The following TMEM132D variants were observed in gnomAD, a reference collection of about 807,000 sequenced individuals.
The protein encoded by TMEM132D is mature OL transmembrane protein.
A neutral mutation model predicts 62.3 loss-of-function variants in TMEM132D; 21 were observed. The observed-to-expected ratio is 0.34, with a 90% CI of 0.24 to 0.49. TMEM132D has a LOEUF of 0.49. Ranked by LOEUF, TMEM132D falls within the 20% of genes least tolerant of loss-of-function variation. The pLI, the probability that TMEM132D is intolerant of heterozygous loss-of-function variation, is 0.99. For synonymous variants in TMEM132D, 621 were observed against 575.6 expected, an observed-to-expected ratio of 1.08 and a Z score of -1.13; for missense variants, 1,346 against 1,402.8, an observed-to-expected ratio of 0.96 and a Z score of 0.65.
At chr12:129,834,889 C>A (rs554966435) in intron 1 of TMEM132D, among the ~76,000 whole-genome samples, 1 of 152,218 alleles carries the variant, frequency 6.6e-6, no homozygotes, top group Non-Finnish European at 1.5e-5. Context: ...GGTATCTGAA[C>A]AAGAACTGAT....
At chr12:129,159,969 T>C (rs1406866067) in intron 5 of TMEM132D, among the ~76,000 whole-genome samples, 1 of 152,042 alleles carries the variant, frequency 6.6e-6, no homozygotes, top group African/African-American at 2.4e-5. Context: ...AGAGCTGAGA[T>C]GCTGCCTGAG....
intron 3 of TMEM132D, among the ~76,000 whole-genome samples, chr12:129,364,202 G>A (rs1870335322): frequency 6.6e-6 from 1 of 152,184 alleles, no homozygotes; most frequent in Non-Finnish European, 1.5e-5. Flanking sequence ...TATGGTATTA[G>A]TTGTGTTATA....
chr12:129,356,637 G>A (rs1245090826), intron 3 of TMEM132D, among the ~76,000 whole-genome samples: 1 of 144,970 alleles, frequency 6.9e-6, no homozygotes, highest in Non-Finnish European at 1.5e-5. Context: ...GGACAACATG[G>A]TGAAACCCTG....
intron 5 of TMEM132D, among the ~76,000 whole-genome samples, chr12:129,163,034 C>T (rs929705863): frequency 1.1e-4 from 16 of 152,146 alleles, no homozygotes; most frequent in African/African-American, 3.4e-4. Flanking sequence ...AGGGAACCTC[C>T]GACACCACGT....
chr12:129,843,755 T>C (rs1355746972), intron 1 of TMEM132D, among the ~76,000 whole-genome samples: 1 of 152,042 alleles, frequency 6.6e-6, no homozygotes, highest in Non-Finnish European at 1.5e-5. Context: ...TGAAAGACAC[T>C]TTCACTACCA....
At chr12:129,502,818 T>G (rs1875194566) in intron 3 of TMEM132D, among the ~76,000 whole-genome samples, 1 of 152,204 alleles carries the variant, frequency 6.6e-6, no homozygotes, top group African/African-American at 2.4e-5. Flanking sequence ...TAGCTAGATT[T>G]GGATCATGCC....
At chr12:129,077,223 A>G (rs1269309014) in intron 8 of TMEM132D, among the ~76,000 whole-genome samples, 1 of 152,166 alleles carries the variant, frequency 6.6e-6, no homozygotes, top group Non-Finnish European at 1.5e-5. Flanking sequence ...TGGTGCATGA[A>G]GGCAGGGAAG....
chr12:129,292,299 G>C (rs10773630), intron 4 of TMEM132D, among the ~76,000 whole-genome samples: 45,741 of 152,068 alleles, frequency 0.3, 8,087 homozygotes, highest in Middle Eastern at 0.41. Context: ...TCCTAATGTG[G>C]TCAGCAGAGA....
chr12:129,700,760 A>C (rs1881368090), intron 1 of TMEM132D, 62 bp from the exon 2 acceptor site: 2 of 1,514,902 alleles, frequency 1.3e-6, no homozygotes, highest in Non-Finnish European at 1.8e-6. Flanking sequence ...CCAGCATTTC[A>C]GACATCTGCG....
intron 2 of TMEM132D, among the ~76,000 whole-genome samples, chr12:129,598,118 G>C (rs1023614558): frequency 6.6e-6 from 1 of 152,178 alleles, no homozygotes; most frequent in African/African-American, 2.4e-5. Flanking sequence ...CATTTGGAAG[G>C]TGTAGAATTC....
In TMEM132D at chr12:129,105,157, T is replaced by C. The variant is rs12366665; in HGVS notation, c.1444-20455A>G. 1.4e-4 allele frequency among the ~76,000 whole-genome samples: 14 copies of C among 96,658 alleles called. No individual in the cohort carries two copies. The East Asian group carries it at 1.9e-3, about 13-fold the overall frequency. 63.4% of individuals were successfully genotyped at this position (96,658 alleles called of 152,430 possible). The stretch of plus-strand genomic sequence containing the variant: ...TGGAACCAACCCAAATGTCCAACAA[T>C]GATAGACTGGATTAAGAAAATGTGG... On this transcript the variant is annotated intron_variant, in intron 5 of 8. Transcript: ENST00000422113.
At position 129,142,112 on chromosome 12, in the gene TMEM132D, A is replaced by G. The variant is rs60384839; in HGVS notation, c.1444-57410T>C. ...GGAAAAGACAAGGCTGTTAAAAAATAAAAAGGTTGGCCATAAATAATGAAT... is the reference window on the plus strand; with the variant it reads ...GGAAAAGACAAGGCTGTTAAAAAATGAAAAGGTTGGCCATAAATAATGAAT... On this transcript the variant is annotated intron_variant, in intron 5 of 8. Coordinates refer to ENST00000422113, the MANE Select transcript of TMEM132D (RefSeq NM_133448.3). Among the ~76,000 whole-genome samples, 1,166 of 151,716 alleles carry G rather than the reference A, an allele frequency of 7.7e-3. 21 individuals carry two copies. The highest frequency in any genetic ancestry group is 0.027 in the African/African-American group (1,104 of 41,458).
intron 3 of TMEM132D, among the ~76,000 whole-genome samples, chr12:129,455,564 G>A (rs961224699): frequency 6.6e-6 from 1 of 152,180 alleles, no homozygotes; most frequent in African/African-American, 2.4e-5. Flanking sequence ...TTGGGAGAAG[G>A]AGCTGGGGAA....
intron 3 of TMEM132D, among the ~76,000 whole-genome samples, chr12:129,519,610 C>CTTTTTTT (rs35695419): frequency 3.4e-5 from 5 of 146,998 alleles, no homozygotes; most frequent in Non-Finnish European, 6.0e-5. Flanking sequence ...GATAAGAATG[C>CTTTTTTT]TTTTTTTTTT....
chr12:129,303,977 C>A (rs534467769), intron 4 of TMEM132D, among the ~76,000 whole-genome samples: 1 of 152,160 alleles, frequency 6.6e-6, no homozygotes. Flanking sequence ...GTTCTGCTTG[C>A]GCCCTCGATG....
At chr12:129,357,532 A>C (rs2135672245) in intron 3 of TMEM132D, among the ~76,000 whole-genome samples, 1 of 151,880 alleles carries the variant, frequency 6.6e-6, no homozygotes, top group East Asian at 1.9e-4. Context: ...GAAGGAAAGA[A>C]AGGAAAGAAA....
chr12:129,313,241 G>A (rs927482226), intron 4 of TMEM132D, among the ~76,000 whole-genome samples: 11 of 152,086 alleles, frequency 7.2e-5, no homozygotes, highest in Admixed American at 2.0e-4. Context: ...CTTTGGTGGC[G>A]ATTTGTGAGA....
At chr12:129,461,750 T>C (rs932008963) in intron 3 of TMEM132D, among the ~76,000 whole-genome samples, 3 of 151,482 alleles carry the variant, frequency 2.0e-5, no homozygotes, top group African/African-American at 7.3e-5. Flanking sequence ...GGTGGATAGA[T>C]GGATGGATGG....
At position 129,703,924 on chromosome 12, in the gene TMEM132D, CAAAAAAA is replaced by C. The variant is rs67547532; in HGVS notation, c.80-3233_80-3227del. Reference sequence around the variant, plus strand: ...ATAACTAATCGAATACGGTAATAGGCAAAAAAAAAAAAAATCTACATCCATGCTGAAA... The same window carrying C: ...ATAACTAATCGAATACGGTAATAGGCAAAAAAATCTACATCCATGCTGAAA... On this transcript the variant is annotated intron_variant, in intron 1 of 8. Coordinates refer to ENST00000422113, the MANE Select transcript of TMEM132D (RefSeq NM_133448.3). 6.4e-5 allele frequency among the ~76,000 whole-genome samples: 9 copies of C among 140,950 alleles called. 1 individual carries two copies. Among genetic ancestry groups the C allele is most frequent in the African/African-American group, 2.1e-4 (8 of 38,068 alleles). The allele number at this position is 140,950 out of a possible 152,430, so 92.5% of individuals were successfully genotyped here.
Sources: allele counts gnomAD v4.1 joint callset (sites outside exome capture counted in the v4.1 genomes callset), GRCh38; gene constraint gnomAD v4.1.1; transcripts MANE v1.5; gene names NCBI Gene and HGNC (gene_info 2026-07-23, HGNC 2026-07-21).